Variants in NAA11 observed in about 807,000 individuals in gnomAD.
NAA11 encodes the protein N-alpha-acetyltransferase 11, NatA catalytic subunit.
In NAA11, 15 loss-of-function variants were observed where a neutral mutation model predicts 16.1. That is an observed-to-expected ratio of 0.93 (90% CI 0.62 to 1.44). The LOEUF (loss-of-function observed/expected upper bound fraction) is 1.44, where lower values mean the gene tolerates loss of function less well. Ranked by LOEUF, NAA11 falls within the 40% of genes most tolerant of loss-of-function variation. The probability of loss-of-function intolerance (pLI) is 0.00; values close to 1 mark genes in which losing one functional copy is unlikely to be tolerated. For missense variants in NAA11, 298 were observed against 291.3 expected, an observed-to-expected ratio of 1.02 and a Z score of -0.17; for synonymous variants, 122 against 112.4, an observed-to-expected ratio of 1.09 and a Z score of -0.54.
At chr4:79,212,630 A>T in the NAA11 span, among the ~76,000 whole-genome samples, 1 of 152,134 alleles carries the variant, frequency 6.6e-6, no homozygotes. Flanking sequence ...ACCCATGCTC[A>T]ACTGTAGTCC....
At chr4:79,171,455 T>C in the NAA11 span, among the ~76,000 whole-genome samples, 1 of 152,174 alleles carries the variant, frequency 6.6e-6, no homozygotes, top group Non-Finnish European at 1.5e-5. Flanking sequence ...GAAATCAAAA[T>C]CTGTTCTTTA....
At chr4:79,192,461 G>A in the NAA11 span, among the ~76,000 whole-genome samples, 4 of 142,918 alleles carry the variant, frequency 2.8e-5, no homozygotes, top group Non-Finnish European at 6.0e-5. Context: ...TCCCACCTAT[G>A]AGTGAGAACA....
At chr4:79,257,616 C>A (rs919704859) in intron 2 of NAA11, among the ~76,000 whole-genome samples, 1 of 151,958 alleles carries the variant, frequency 6.6e-6, no homozygotes, top group Non-Finnish European at 1.5e-5. Context: ...TCTCTGAAGC[C>A]ACTATTTCTG....
chr4:79,302,199 TAC>T (rs1220536403), intron 1 of NAA11, among the ~76,000 whole-genome samples: 2 of 152,230 alleles, frequency 1.3e-5, no homozygotes, highest in Non-Finnish European at 2.9e-5. Context: ...GAAATTATAT[TAC>T]AGATTTCTGC....
chr4:79,192,197 T>C, the NAA11 span, among the ~76,000 whole-genome samples: 2 of 152,082 alleles, frequency 1.3e-5, no homozygotes, highest in Non-Finnish European at 2.9e-5. Context: ...ATTTCAAAAT[T>C]GTTTTTTTCT....
At position 79,270,184 on chromosome 4, in the gene NAA11, C is replaced by T. The variant is rs542581555; in HGVS notation, c.*122+23821G>A. ...TTGGCTTAGGATTGACTTGGCGATG[C>T]GGGCTCTTTTTTGGTTCCATATGAA... On this transcript the variant is annotated intron_variant and NMD_transcript_variant, in intron 2 of 2. Coordinates refer to the NAA11 transcript ENST00000511542. Among the ~76,000 whole-genome samples the T allele has an allele frequency of 8.4e-3, 1,275 of 151,052 alleles. 19 individuals carry two copies. The highest frequency in any genetic ancestry group is 0.03 in the African/African-American group (1,225 of 41,014).
At chr4:79,283,736 T>C (rs1326872436) in intron 2 of NAA11, among the ~76,000 whole-genome samples, 1 of 152,158 alleles carries the variant, frequency 6.6e-6, no homozygotes, top group Non-Finnish European at 1.5e-5. Flanking sequence ...AATCTATGCA[T>C]ATCATTCAAG....
the NAA11 span, chr4:79,195,867 G>A: frequency 1.9e-5 from 3 of 154,396 alleles, no homozygotes; most frequent in African/African-American, 7.2e-5. Flanking sequence ...TATGAAGAAG[G>A]ACGTGTTCGC....
At chr4:79,231,044 A>G (rs76552159) in intron 2 of NAA11, among the ~76,000 whole-genome samples, 1,933 of 152,140 alleles carry the variant, frequency 0.013, 44 homozygotes, top group African/African-American at 0.044. Context: ...GTAGGAATGT[A>G]TCTGTGTTGT....
At chr4:79,303,391 T>A (rs1042872828) in intron 1 of NAA11, among the ~76,000 whole-genome samples, 1 of 152,010 alleles carries the variant, frequency 6.6e-6, no homozygotes. Context: ...ATAATCATGA[T>A]CACTGCAGCC....
intron 2 of NAA11, among the ~76,000 whole-genome samples, chr4:79,289,501 C>CTTTA (rs1723029385): frequency 1.3e-5 from 2 of 152,148 alleles, no homozygotes; most frequent in Non-Finnish European, 2.9e-5. Flanking sequence ...GTTCTATGTG[C>CTTTA]TTTACATCAA....
chr4:79,319,019 G>C (rs1724014123), intron 1 of NAA11, among the ~76,000 whole-genome samples: 1 of 152,204 alleles, frequency 6.6e-6, no homozygotes, highest in Admixed American at 6.5e-5. Flanking sequence ...CTGGGCACAA[G>C]TGATCCTCCA....
chr4:79,177,297 C>T, the NAA11 span, among the ~76,000 whole-genome samples: 1 of 151,778 alleles, frequency 6.6e-6, no homozygotes, highest in East Asian at 1.9e-4. Context: ...GAACCAACAA[C>T]AAAACTAGGC....
At position 79,308,048 on chromosome 4, in the gene NAA11, T is replaced by A. The variant is rs919008830; in HGVS notation, c.*13-13934A>T. ...TAATTATTTTATGAAGGGAAACTAG[T>A]GCTCTCTCATGCTCTATATCCTTTA... On this transcript the variant is annotated intron_variant and NMD_transcript_variant, in intron 1 of 2. Coordinates refer to the NAA11 transcript ENST00000511542. Among the ~76,000 whole-genome samples the A allele has an allele frequency of 2.0e-5, 3 of 152,140 alleles. No individual in the cohort carries two copies. The South Asian group carries it at 6.2e-4, about 32-fold the overall frequency.
At chr4:79,285,998 T>C (rs1419301918) in intron 2 of NAA11, among the ~76,000 whole-genome samples, 3 of 152,060 alleles carry the variant, frequency 2.0e-5, no homozygotes, top group Admixed American at 1.3e-4. Context: ...AAGCACTTTA[T>C]TTTTATAAGC....
chr4:79,263,051 A>T (rs1410479467), intron 2 of NAA11, among the ~76,000 whole-genome samples: 1 of 152,188 alleles, frequency 6.6e-6, no homozygotes, highest in Non-Finnish European at 1.5e-5. Flanking sequence ...TGCGTGTTAA[A>T]AACTATGAAT....
chr4:79,249,511 A>C (rs1721941248), intron 2 of NAA11, among the ~76,000 whole-genome samples: 1 of 152,232 alleles, frequency 6.6e-6, no homozygotes, highest in East Asian at 1.9e-4. Flanking sequence ...TAAGGAAAGA[A>C]TCTCAGGGCT....
chr4:79,310,381 CAA>C (rs1445502492), intron 1 of NAA11, among the ~76,000 whole-genome samples: 3 of 152,208 alleles, frequency 2.0e-5, no homozygotes, highest in Non-Finnish European at 4.4e-5. Context: ...TTTACTCTCG[CAA>C]CAACTCTACA....
intron 2 of NAA11, among the ~76,000 whole-genome samples, chr4:79,255,334 TC>T (rs1722084203): frequency 6.8e-6 from 1 of 146,850 alleles, no homozygotes; most frequent in South Asian, 2.1e-4. Context: ...TTTAAACTCT[TC>T]TTTACTGATA....
Sources: allele counts gnomAD v4.1 joint callset (sites outside exome capture counted in the v4.1 genomes callset), GRCh38; gene constraint gnomAD v4.1.1; transcripts MANE v1.5; gene names NCBI Gene and HGNC (gene_info 2026-07-23, HGNC 2026-07-21).